The following NAA35 variants were observed in gnomAD, a reference collection of about 807,000 sequenced individuals.
The protein encoded by NAA35 is MAK10 homolog, amino-acid N-acetyltransferase subunit.
In NAA35, 18 loss-of-function variants were observed where a neutral mutation model predicts 101.7. The ratio of observed to expected loss-of-function variants is 0.18; its 90% CI spans 0.12 to 0.26. NAA35 has a LOEUF of 0.26. Ranked by LOEUF, NAA35 falls within the 10% of genes least tolerant of loss-of-function variation. NAA35 has a pLI of 1.00. For missense variants in NAA35, 601 were observed against 886.8 expected, an observed-to-expected ratio of 0.68 and a Z score of 4.09; for synonymous variants, 267 against 273.1, an observed-to-expected ratio of 0.98 and a Z score of 0.22.
At position 85,996,497 on chromosome 9, in the gene NAA35, G is replaced by C; in HGVS notation, c.976G>C (p.Val326Leu). ...AAAAATAATTAAAAGGGAAGAAATG[G>C]TGAACTATTTTGCAAGATTAATAGA... ...YAKIIKREEMVNYFARLIDRI... is the reference protein window; with the variant it reads ...YAKIIKREEMLNYFARLIDRI... Residue 326 changes from valine (V) to leucine (L), a missense_variant, in exon 12 of 23, where the codon GTG becomes CTG. Physicochemically the swap from Val to Leu is conservative, Grantham distance 32 (BLOSUM62 1). Transcript: ENST00000361671. 6.2e-7 allele frequency: 1 copy of C among 1,606,168 alleles called. No homozygotes were observed. The highest frequency in any genetic ancestry group is 8.5e-7 in the Non-Finnish European group (1 of 1,177,378).
In NAA35 at chr9:86,017,513, G is replaced by A; in HGVS notation, c.1721G>A (p.Arg574Gln). The A allele has an allele frequency of 1.2e-6, 2 of 1,613,724 alleles. No individual in the cohort carries two copies. The highest frequency in any genetic ancestry group is 1.7e-6 in the Non-Finnish European group (2 of 1,179,782). Reference protein sequence around the residue: ...KKKKKVRPLSREITMSQAYQN... With the variant: ...KKKKKVRPLSQEITMSQAYQN... ...CTAATTACAGTTCGCCCATTGAGCC[G>A]AGAGATCACAATGAGCCAAGCATAT... is the stretch of plus-strand genomic sequence containing the variant. The change falls in exon 19 of 23, where the codon CGA becomes CAA. Residue 574 changes from arginine (R) to glutamine (Q), a missense_variant. By Grantham distance (43) the Arg-to-Gln change is conservative. This residue lies in a region of NAA35 where 99 missense variants were observed against 206.7 expected (regional missense o/e 0.48). Coordinates refer to ENST00000361671, the MANE Select transcript of NAA35 (RefSeq NM_024635.4).
chr9:85,985,817 T>C (rs1830624699), intron 11 of NAA35, among the ~76,000 whole-genome samples: 1 of 152,158 alleles, frequency 6.6e-6, no homozygotes, highest in Non-Finnish European at 1.5e-5. Flanking sequence ...GGGGAAATGG[T>C]TTTTAATGTT....
intron 18 of NAA35, among the ~76,000 whole-genome samples, 180 bp from the exon 19 acceptor site, chr9:86,017,315 CATG>C (rs1832277279): frequency 6.6e-6 from 1 of 152,050 alleles, no homozygotes; most frequent in African/African-American, 2.4e-5. Context: ...TATTTGGGGA[CATG>C]ATTATTATAT....
chr9:85,960,523 T>G (rs1829469438), intron 5 of NAA35, among the ~76,000 whole-genome samples: 1 of 152,230 alleles, frequency 6.6e-6, no homozygotes, highest in Admixed American at 6.5e-5. Flanking sequence ...TTTTCACTTA[T>G]GTTTTACATG....
rs375526509 is a variant in NAA35 at position 85,973,526 on chromosome 9, T to G, written c.517-1441T>G. 1.3e-3 allele frequency among the ~76,000 whole-genome samples: 191 copies of G among 152,236 alleles called. 4 individuals are homozygous for G. In the South Asian group the frequency reaches 0.034, roughly 27 times the overall value. On this transcript the variant is annotated intron_variant, in intron 6 of 22. Coordinates refer to ENST00000361671, the MANE Select transcript of NAA35 (RefSeq NM_024635.4). Reference sequence around the variant, plus strand: ...AGATAGAGCCTACAGTGTTTTCTGGTAGATTTGATACAGGATGTAGAAAAA... The same window carrying G: ...AGATAGAGCCTACAGTGTTTTCTGGGAGATTTGATACAGGATGTAGAAAAA...
At chr9:85,962,213 A>C in intron 6 of NAA35, 33 bp downstream of exon 6, 1 of 1,602,666 alleles carries the variant, frequency 6.2e-7, no homozygotes, top group Non-Finnish European at 8.5e-7. Flanking sequence ...ATCCTTGGCC[A>C]GGTGCGGTGG....
intron 12 of NAA35, among the ~76,000 whole-genome samples, chr9:86,000,339 A>G (rs1205145840): frequency 2.6e-5 from 4 of 152,162 alleles, no homozygotes; most frequent in Admixed American, 2.6e-4. Context: ...TATTAATCAA[A>G]GATATTGGCC....
chr9:86,008,128 T>C (rs1447005040), intron 14 of NAA35, among the ~76,000 whole-genome samples: 2 of 152,248 alleles, frequency 1.3e-5, no homozygotes, highest in Non-Finnish European at 2.9e-5. Context: ...AGTGGCATCA[T>C]CTCAGCTTAC....
chr9:85,965,526 G>A (rs1829706062), intron 6 of NAA35, among the ~76,000 whole-genome samples: 1 of 152,140 alleles, frequency 6.6e-6, no homozygotes, highest in Non-Finnish European at 1.5e-5. Flanking sequence ...TACTAGAGAG[G>A]CTGAGGTTGG....
chr9:85,994,749 A>T (rs560548553), intron 11 of NAA35, among the ~76,000 whole-genome samples: 265 of 152,282 alleles, frequency 1.7e-3, no homozygotes, highest in African/African-American at 6.1e-3. Flanking sequence ...GGGGAAGGGG[A>T]AGGTAAAGAG....
chr9:85,955,681 A>T (rs1829246011), intron 2 of NAA35, among the ~76,000 whole-genome samples: 1 of 152,018 alleles, frequency 6.6e-6, no homozygotes, highest in Non-Finnish European at 1.5e-5. Flanking sequence ...TATTTAATCT[A>T]CTTAGCATGT....
In NAA35 at chr9:85,953,260, G is replaced by T. The variant is rs574850424; in HGVS notation, c.125-3100G>T. ...TTTTTACCGGCTTAACCATTTTTAA[G>T]TGTACACTTCAGTGGTATTTAATAC... On this transcript the variant is annotated intron_variant, in intron 2 of 22. Transcript: ENST00000361671. 6.9e-5 allele frequency among the ~76,000 whole-genome samples: 10 copies of T among 145,174 alleles called. No individual in the cohort carries two copies. The South Asian group carries it at 2.2e-3, about 31-fold the overall frequency.
rs1260745865 is a variant in NAA35 at position 85,955,349 on chromosome 9, TATATATATA to T, written c.125-1010_125-1002del. 8.3e-4 allele frequency among the ~76,000 whole-genome samples: 68 copies of T among 82,296 alleles called. 1 individual carries two copies. The highest frequency in any genetic ancestry group is 3.0e-3 in the African/African-American group (52 of 17,262). The allele number at this position is 82,296 out of a possible 152,430, so 54.0% of individuals were successfully genotyped here. A position where few individuals can be genotyped will look rare whatever the true frequency, so the allele number is the denominator to read the frequency against. On this transcript the variant is annotated intron_variant, in intron 2 of 22. Coordinates refer to ENST00000361671, the MANE Select transcript of NAA35 (RefSeq NM_024635.4). ...ATACATATATATATATATATATATA[TATATATATA>T]TATTTTTTTTTTTTTTTTTCTTCAG...
intron 12 of NAA35, 24 bp downstream of exon 12, chr9:85,996,601 A>C (rs938442464): frequency 6.7e-7 from 1 of 1,489,742 alleles, no homozygotes; most frequent in African/African-American, 1.4e-5. Context: ...TCTGTTCCAG[A>C]ATGTAACTTC....
intron 3 of NAA35, 60 bp from the exon 4 acceptor site, chr9:85,958,412 A>G: frequency 2.0e-6 from 2 of 1,024,824 alleles, no homozygotes; most frequent in Non-Finnish European, 2.9e-6. Flanking sequence ...ACCGTTGTGA[A>G]AATATGAATA....
At chr9:86,008,198 G>GA (rs1342700465) in intron 14 of NAA35, among the ~76,000 whole-genome samples, 1 of 152,168 alleles carries the variant, frequency 6.6e-6, no homozygotes, top group Non-Finnish European at 1.5e-5. Context: ...GAGTAGCTGA[G>GA]ATCACGGGTG....
At chr9:85,957,664 T>C (rs564394850) in intron 3 of NAA35, among the ~76,000 whole-genome samples, 14 of 152,336 alleles carry the variant, frequency 9.2e-5, no homozygotes, top group African/African-American at 3.1e-4. Flanking sequence ...ATGGAAATAC[T>C]TGTTCGTCTT....
rs771615506 is a variant in NAA35, at chr9:86,013,048, A to G, written c.1293A>G (p.Pro431=). The G allele has an allele frequency of 4.5e-6, 7 of 1,549,560 alleles. No individual in the cohort carries two copies. Among genetic ancestry groups the G allele is most frequent in the South Asian group, 1.2e-5 (1 of 81,276 alleles). The part of the protein sequence containing the change: ...IDSFVTHCVR[P]FCSLIQIHGH... ...GACAAATTATATGTGTATTGCAGCC[A>G]TTCTGTAGTCTTATTCAGATCCATG... The change falls in exon 16 of 23, where the codon CCA becomes CCG. Residue 431 remains proline (P), a splice_region_variant and synonymous_variant. Transcript: ENST00000361671.
intron 15 of NAA35, among the ~76,000 whole-genome samples, chr9:86,010,247 CCAT>C (rs1332864000): frequency 1.3e-5 from 2 of 151,104 alleles, no homozygotes; most frequent in African/African-American, 4.9e-5. Flanking sequence ...GTCTCAATAA[CCAT>C]AATAATAATA....
Sources: allele counts gnomAD v4.1 joint callset (sites outside exome capture counted in the v4.1 genomes callset), GRCh38; gene constraint gnomAD v4.1.1; regional missense constraint gnomAD v4.1.1; transcripts MANE v1.5; gene names NCBI Gene and HGNC (gene_info 2026-07-23, HGNC 2026-07-21).